Variants in VSNL1 observed in about 807,000 individuals in gnomAD.
The protein encoded by VSNL1 is visinin-like protein 1.
Under a neutral mutation model 20.4 loss-of-function variants are expected in VSNL1, and 6 were observed. The ratio of observed to expected loss-of-function variants is 0.29; its 90% CI spans 0.16 to 0.58. The LOEUF (loss-of-function observed/expected upper bound fraction) is 0.58, where lower values mean the gene tolerates loss of function less well. VSNL1 is among the 20% of genes least tolerant of loss of function. The pLI is 0.90. For synonymous variants in VSNL1, 93 were observed against 86.4 expected (o/e 1.08, Z -0.42); for missense variants, 100 against 234.5 (o/e 0.43, Z 3.75).
At chr2:17,623,710 A>G (rs943715080) in intron 2 of VSNL1, among the ~76,000 whole-genome samples, 6 of 151,664 alleles carry the variant, frequency 4.0e-5, no homozygotes, top group African/African-American at 1.5e-4. Flanking sequence ...AACCCCTAGC[A>G]TATATAAGAA....
intron 2 of VSNL1, among the ~76,000 whole-genome samples, chr2:17,595,061 C>G (rs779077349): frequency 6.6e-6 from 1 of 152,168 alleles, no homozygotes; most frequent in Non-Finnish European, 1.5e-5. Context: ...ACCCTCCAGC[C>G]CATCCACCAT....
intron 2 of VSNL1, among the ~76,000 whole-genome samples, chr2:17,622,247 C>G (rs1353807914): frequency 6.6e-6 from 1 of 151,454 alleles, no homozygotes; most frequent in African/African-American, 2.4e-5. Context: ...GGCATGGTGC[C>G]TCACGCGTGT....
In VSNL1 at chr2:17,655,494, C is replaced by CACAT. The variant is rs1232491726; in HGVS notation, c.*103_*104insTACA. On this transcript the variant is annotated 3_prime_UTR_variant, in exon 4 of 4. Transcript: ENST00000295156. The surrounding 1 kb of genome is among the most constrained non-coding windows in gnomAD (Gnocchi z 5.2). ...ACACACACACACACACACACACACA[C>CACAT]ACACACAAATATTGCTTGGACTACC... The CACAT allele has an allele frequency of 1.1e-5, 12 of 1,071,406 alleles. No homozygotes were observed. The African/African-American group carries it at 1.3e-4, about 12-fold the overall frequency. 66.4% of individuals were successfully genotyped at this position (1,071,406 alleles called of 1,614,324 possible).
intron 1 of VSNL1, among the ~76,000 whole-genome samples, chr2:17,549,988 A>G (rs1363331241): frequency 6.6e-6 from 1 of 152,244 alleles, no homozygotes; most frequent in African/African-American, 2.4e-5. Context: ...CATAGTGTGT[A>G]GCTGTGGAAG....
At chr2:17,569,705 A>G (rs903918759) in intron 1 of VSNL1, among the ~76,000 whole-genome samples, 1 of 152,216 alleles carries the variant, frequency 6.6e-6, no homozygotes, top group Non-Finnish European at 1.5e-5. Flanking sequence ...CTATTTAAAA[A>G]TGTATTAAGT....
intron 2 of VSNL1, among the ~76,000 whole-genome samples, chr2:17,639,314 G>A (rs187792173): frequency 6.6e-6 from 1 of 152,174 alleles, no homozygotes; most frequent in Admixed American, 6.5e-5. Context: ...ATCCTGCAAG[G>A]TGAAATCCAC....
chr2:17,573,875 T>C (rs1342291282), intron 1 of VSNL1, among the ~76,000 whole-genome samples: 2 of 152,212 alleles, frequency 1.3e-5, no homozygotes, highest in African/African-American at 4.8e-5. Flanking sequence ...CTGTTTCTCA[T>C]CTGGAAAAGG....
intron 1 of VSNL1, among the ~76,000 whole-genome samples, chr2:17,565,754 T>C (rs1427795374): frequency 6.6e-6 from 1 of 152,212 alleles, no homozygotes; most frequent in Non-Finnish European, 1.5e-5. Context: ...ACAGCTGAGA[T>C]GGTTTGGCTG....
intron 1 of VSNL1, among the ~76,000 whole-genome samples, chr2:17,577,266 T>G (rs752941826): frequency 1.3e-5 from 2 of 152,250 alleles, no homozygotes; most frequent in Non-Finnish European, 2.9e-5. Context: ...TTGTCTATAT[T>G]TTCAGTTTCT....
At chr2:17,592,265 T>G (rs766545756) in intron 2 of VSNL1, 29 bp downstream of exon 2, 92 of 1,609,972 alleles carry the variant, frequency 5.7e-5, no homozygotes, top group Non-Finnish European at 6.8e-5. Flanking sequence ...TTGTTTTTAT[T>G]CCTTAGGCCA....
intron 1 of VSNL1, among the ~76,000 whole-genome samples, chr2:17,578,711 CT>C (rs1664276629): frequency 6.6e-6 from 1 of 152,200 alleles, no homozygotes; most frequent in South Asian, 2.1e-4. Flanking sequence ...TTTAGTCCCC[CT>C]AGCCTTGGCA....
At chr2:17,639,778 C>T (rs1665841322) in intron 2 of VSNL1, among the ~76,000 whole-genome samples, 2 of 152,200 alleles carry the variant, frequency 1.3e-5, no homozygotes. Context: ...CACAGCTTTG[C>T]TACCAGGGTC....
intron 1 of VSNL1, among the ~76,000 whole-genome samples, chr2:17,590,044 G>A (rs947721123): frequency 6.6e-6 from 1 of 152,140 alleles, no homozygotes; most frequent in African/African-American, 2.4e-5. Flanking sequence ...GCTCCGCCAT[G>A]CATTAATTGT....
chr2:17,644,922 G>A (rs1665960981), intron 2 of VSNL1, among the ~76,000 whole-genome samples: 1 of 152,216 alleles, frequency 6.6e-6, no homozygotes, highest in Non-Finnish European at 1.5e-5. Flanking sequence ...TATATTCATA[G>A]GCCAGGCAAA....
intron 2 of VSNL1, among the ~76,000 whole-genome samples, chr2:17,638,017 C>T (rs1172517604): frequency 1.3e-5 from 2 of 152,190 alleles, no homozygotes; most frequent in Non-Finnish European, 2.9e-5. Context: ...CCCACGTGCT[C>T]AGTTTCTTTG....
In VSNL1 at chr2:17,655,172, C is replaced by T. The variant is rs1666201866; in HGVS notation, c.379-25C>T. 6.2e-7 allele frequency: 1 copy of T among 1,609,394 alleles called. No individual in the cohort carries two copies. Among genetic ancestry groups the T allele is most frequent in the African/African-American group, 1.4e-5 (1 of 73,926 alleles). On this transcript the variant is annotated intron_variant, in intron 3 of 3. Transcript: ENST00000295156. This position sits in a 1 kb window ranked among gnomAD's most constrained non-coding sequence, Gnocchi z 5.2. ...TGTCCTCCTGGGTTTCTGGTAATAT[C>T]ACCTACAATGCTTTTTTCCCCAAGG...
intron 3 of VSNL1, among the ~76,000 whole-genome samples, chr2:17,654,698 T>C (rs569204730): frequency 1.7e-4 from 26 of 152,290 alleles, no homozygotes; most frequent in African/African-American, 6.3e-4. Flanking sequence ...TTCAATAGCA[T>C]TTAAGGACTT....
intron 1 of VSNL1, among the ~76,000 whole-genome samples, chr2:17,558,808 C>G (rs533036753): frequency 1.3e-5 from 2 of 152,210 alleles, no homozygotes; most frequent in South Asian, 4.1e-4. Context: ...CAAGAGTTTG[C>G]AGATTATCTT....
At chr2:17,590,255 C>CA (rs972580398) in intron 1 of VSNL1, among the ~76,000 whole-genome samples, 1 of 152,036 alleles carries the variant, frequency 6.6e-6, no homozygotes, top group Non-Finnish European at 1.5e-5. Flanking sequence ...AATTCTCTAC[C>CA]AAAAAACCAA....
Sources: gnomAD v4.1 joint callset for allele counts (sites outside exome capture counted in the v4.1 genomes callset) on GRCh38, gnomAD v4.1.1 for gene constraint, Gnocchi (gnomAD v3.1) non-coding constraint, MANE v1.5 for transcripts, NCBI Gene and HGNC (gene_info 2026-07-23, HGNC 2026-07-21) for gene names.